The following ALPK2 variants were observed in gnomAD, a reference collection of about 807,000 sequenced individuals.
The protein encoded by ALPK2 is alpha kinase 2, also known as alpha-protein kinase 2.
A neutral mutation model predicts 163.1 loss-of-function variants in ALPK2; 127 were observed. That is an observed-to-expected ratio of 0.78 (90% CI 0.67 to 0.90). The LOEUF is 0.90. Ranked by LOEUF, ALPK2 falls within the 40% of genes least tolerant of loss-of-function variation. The pLI, the probability that ALPK2 is intolerant of heterozygous loss-of-function variation, is 0.00. For missense variants in ALPK2, 2,360 were observed against 2,589.6 expected (o/e 0.91, Z 1.92); for synonymous variants, 953 against 959.1 (o/e 0.99, Z 0.12).
At chr18:58,512,202 G>C (rs531969634) in intron 10 of ALPK2, 1 of 152,326 alleles carries the variant, frequency 6.6e-6, no homozygotes, top group Non-Finnish European at 1.5e-5. Context: ...TTCACGGTTT[G>C]CTTGGGCTCT....
intron 3 of ALPK2, among the ~76,000 whole-genome samples, chr18:58,601,654 C>G (rs551226448): frequency 6.6e-6 from 1 of 152,110 alleles, no homozygotes; most frequent in Non-Finnish European, 1.5e-5. Flanking sequence ...GAGAGCAAGG[C>G]GGGCTAGCCA....
At chr18:58,542,796 C>T (rs1375478998) in intron 4 of ALPK2, among the ~76,000 whole-genome samples, 1 of 152,132 alleles carries the variant, frequency 6.6e-6, no homozygotes, top group Non-Finnish European at 1.5e-5. Context: ...AGTAGGTGGT[C>T]AGCATGCAGT....
chr18:58,615,334 T>TA (rs146092263), intron 1 of ALPK2, among the ~76,000 whole-genome samples: 4,577 of 152,096 alleles, frequency 0.03, 240 homozygotes, highest in African/African-American at 0.1. Flanking sequence ...GCAGCTCTCA[T>TA]AGCAAGAAAA....
intron 1 of ALPK2, among the ~76,000 whole-genome samples, chr18:58,619,718 T>C (rs576152041): frequency 6.6e-6 from 1 of 152,092 alleles, no homozygotes; most frequent in African/African-American, 2.4e-5. Flanking sequence ...GCTGCACTTT[T>C]TGTTTTTTTC....
At chr18:58,497,685 T>A (rs1013856982) in intron 12 of ALPK2, among the ~76,000 whole-genome samples, 3 of 152,144 alleles carry the variant, frequency 2.0e-5, no homozygotes, top group African/African-American at 7.2e-5. Context: ...AAAAAAATTT[T>A]TTTTCAAAGA....
intron 4 of ALPK2, among the ~76,000 whole-genome samples, chr18:58,573,424 T>C (rs2051900659): frequency 7.1e-6 from 1 of 140,142 alleles, no homozygotes; most frequent in East Asian, 2.0e-4. Flanking sequence ...TTTTTTTTTT[T>C]CAGAGACAGG....
chr18:58,601,255 C>CA (rs966450213), intron 3 of ALPK2, among the ~76,000 whole-genome samples: 51 of 141,408 alleles, frequency 3.6e-4, no homozygotes, highest in South Asian at 3.1e-3. Flanking sequence ...GACTCCATCT[C>CA]AAAAAAAAAA....
intron 6 of ALPK2, among the ~76,000 whole-genome samples, chr18:58,525,991 C>T (rs1369281156): frequency 7.2e-6 from 1 of 138,480 alleles, no homozygotes; most frequent in Non-Finnish European, 1.5e-5. Flanking sequence ...AAAAAAGGCA[C>T]AGTCCTTGCC....
chr18:58,611,748 G>A lies in ALPK2; in HGVS notation c.50C>T (p.Thr17Ile). ...CTCAGGAACCTTCTGGGAAAGCAAT[G>A]TAGATAAAAAACACAGCGGGGGCCT... Reference protein sequence around the residue: ...PQRPPLCFLSTLLSQKVPEKS... With the variant: ...PQRPPLCFLSILLSQKVPEKS... Residue 17 changes from threonine to isoleucine, a missense_variant, in exon 2 of 13, where the codon ACA becomes ATA. Thr to Ile is a moderately conservative substitution (Grantham distance 89, BLOSUM62 -1). Coordinates refer to ENST00000361673, the MANE Select transcript of ALPK2 (RefSeq NM_052947.4). 6.2e-7 allele frequency: 1 copy of A among 1,612,578 alleles called. No homozygotes were observed. The highest frequency in any genetic ancestry group is 1.1e-5 in the South Asian group (1 of 90,826).
intron 4 of ALPK2, among the ~76,000 whole-genome samples, chr18:58,573,718 G>A (rs2051903907): frequency 6.7e-6 from 1 of 149,072 alleles, no homozygotes. Context: ...GAGAAGGTCA[G>A]CAGATAAACA....
chr18:58,538,080 A>G lies in ALPK2; in HGVS notation c.2107T>C (p.Ser703Pro), dbSNP rs1181272050. The change falls in exon 5 of 13, where the codon TCA becomes CCA. Residue 703 changes from serine (S) to proline (P), a missense_variant. By Grantham distance (74) the Ser-to-Pro change is moderately conservative (BLOSUM62 -1). Coordinates refer to ENST00000361673, the MANE Select transcript of ALPK2 (RefSeq NM_052947.4). ...TTGACCTCCGAGTGTTGAGCTAATG[A>G]TGCATTTTCCTTGTGGACCCCTCCT... ...NLGGVHKENA[S>P]LAQHSEVKPC... 6.2e-7 allele frequency: 1 copy of G among 1,614,126 alleles called. No individual in the cohort carries two copies. The highest frequency in any genetic ancestry group is 2.2e-5 in the East Asian group (1 of 44,878).
At chr18:58,614,252 C>T (rs2052152012) in intron 1 of ALPK2, among the ~76,000 whole-genome samples, 1 of 152,170 alleles carries the variant, frequency 6.6e-6, no homozygotes, top group Admixed American at 6.5e-5. Flanking sequence ...GACATACCTG[C>T]TGGGACAGGT....
At chr18:58,502,174 ACACAC>A (rs1232697096) in intron 11 of ALPK2, among the ~76,000 whole-genome samples, 1,974 of 142,996 alleles carry the variant, frequency 0.014, 24 homozygotes, top group Non-Finnish European at 0.019. Context: ...ACACACACAC[ACACAC>A]AAAGAAAAAA....
intron 4 of ALPK2, among the ~76,000 whole-genome samples, chr18:58,545,966 A>C (rs1233184069): frequency 6.6e-6 from 1 of 152,198 alleles, no homozygotes; most frequent in Non-Finnish European, 1.5e-5. Flanking sequence ...GATCAAATCC[A>C]TACCACCTGG....
At chr18:58,527,441 C>CCTTA (rs1426657661) in intron 6 of ALPK2, among the ~76,000 whole-genome samples, 3 of 152,190 alleles carry the variant, frequency 2.0e-5, no homozygotes, top group Non-Finnish European at 2.9e-5. Context: ...GAATCAAAGG[C>CCTTA]CTTAGCCACG....
At chr18:58,531,884 C>G (rs1437429903) in intron 5 of ALPK2, among the ~76,000 whole-genome samples, 2 of 123,668 alleles carry the variant, frequency 1.6e-5, no homozygotes, top group Non-Finnish European at 3.1e-5. Context: ...TTGTAGTGAG[C>G]CGAGATTGCA....
chr18:58,621,522 C>T (rs530714212), intron 1 of ALPK2, among the ~76,000 whole-genome samples: 23 of 152,266 alleles, frequency 1.5e-4, no homozygotes, highest in East Asian at 5.8e-4. Flanking sequence ...CCGCCCGCCT[C>T]GGCCTCCCAA....
At chr18:58,497,875 C>A (rs758936257) in intron 12 of ALPK2, among the ~76,000 whole-genome samples, 174 bp downstream of exon 12, 6 of 152,182 alleles carry the variant, frequency 3.9e-5, no homozygotes, top group Non-Finnish European at 7.4e-5. Context: ...CCTGTGAGAA[C>A]AAAGTCCATA....
At chr18:58,507,163 CT>C (rs1365902009) in intron 10 of ALPK2, among the ~76,000 whole-genome samples, 1 of 152,036 alleles carries the variant, frequency 6.6e-6, no homozygotes, top group Admixed American at 6.6e-5. Context: ...AACAAATAGG[CT>C]GTAATTATCT....
Sources: allele counts gnomAD v4.1 joint callset (sites outside exome capture counted in the v4.1 genomes callset), GRCh38; gene constraint gnomAD v4.1.1; transcripts MANE v1.5; gene names NCBI Gene and HGNC (gene_info 2026-07-23, HGNC 2026-07-21).